The following MBNL2 variants were observed in gnomAD, a reference collection of about 807,000 sequenced individuals.
MBNL2 encodes the protein muscleblind-like protein 2.
MBNL2 carries 17 observed loss-of-function variants against 41.9 expected under a neutral mutation model. The ratio of observed to expected loss-of-function variants is 0.41; its 90% CI spans 0.28 to 0.61. The LOEUF (loss-of-function observed/expected upper bound fraction) is 0.61. Ranked by LOEUF, MBNL2 falls within the 20% of genes least tolerant of loss-of-function variation. The probability of loss-of-function intolerance (pLI) is 0.35; values close to 1 mark genes in which losing one functional copy is unlikely to be tolerated. For synonymous variants in MBNL2, 195 were observed against 182.9 expected (o/e 1.07, Z -0.53); for missense variants, 336 against 505.6 (o/e 0.66, Z 3.22).
At chr13:97,224,105 G>A (rs1415165161) in intron 1 of MBNL2, among the ~76,000 whole-genome samples, 2 of 152,148 alleles carry the variant, frequency 1.3e-5, no homozygotes, top group African/African-American at 4.8e-5. Context: ...AGGGCTTCTG[G>A]CTGGGCTGGC....
intron 2 of MBNL2, among the ~76,000 whole-genome samples, chr13:97,303,023 G>A (rs915793024): frequency 1.4e-4 from 21 of 152,290 alleles, no homozygotes; most frequent in Non-Finnish European, 2.8e-4. Flanking sequence ...GCAGGGATTC[G>A]AACTGGGCCC....
upstream of MBNL2, among the ~76,000 whole-genome samples, chr13:97,221,750 C>G (rs1262453138): frequency 6.6e-6 from 1 of 152,196 alleles, no homozygotes; most frequent in East Asian, 1.9e-4. Flanking sequence ...CAGTAATTAA[C>G]CACTGCAATA....
At chr13:97,263,273 C>T (rs1016470249) in intron 1 of MBNL2, among the ~76,000 whole-genome samples, 2 of 152,292 alleles carry the variant, frequency 1.3e-5, no homozygotes, top group South Asian at 2.1e-4. Context: ...CCCCTGCCAA[C>T]CTTTTCAATT....
At chr13:97,183,205 A>G in the MBNL2 span, among the ~76,000 whole-genome samples, 1 of 152,140 alleles carries the variant, frequency 6.6e-6, no homozygotes, top group Non-Finnish European at 1.5e-5. Context: ...TTCTGTTTTC[A>G]TGGTTCAGTA....
the MBNL2 span, among the ~76,000 whole-genome samples, chr13:97,198,528 TAAATC>T: frequency 6.7e-6 from 1 of 149,902 alleles, no homozygotes; most frequent in Admixed American, 6.7e-5. Flanking sequence ...AAATTAATGA[TAAATC>T]TATATATACA....
chr13:97,288,521 T>C (rs1305257882), intron 2 of MBNL2, among the ~76,000 whole-genome samples: 8 of 152,236 alleles, frequency 5.3e-5, no homozygotes, highest in Non-Finnish European at 2.9e-5. Context: ...CCCAAGAAAC[T>C]GAGAGAAGCC....
the MBNL2 span, among the ~76,000 whole-genome samples, chr13:97,167,329 T>C: frequency 6.6e-6 from 1 of 151,742 alleles, no homozygotes; most frequent in African/African-American, 2.4e-5. Flanking sequence ...TTCATTTACA[T>C]GCTCCACAAT....
intron 8 of MBNL2, among the ~76,000 whole-genome samples, chr13:97,382,836 G>A (rs989291679): frequency 1.3e-4 from 19 of 151,976 alleles, no homozygotes; most frequent in South Asian, 1.0e-3. Context: ...TTTTTTTGTA[G>A]AGACAGGGTT....
At chr13:97,180,359 T>C in the MBNL2 span, among the ~76,000 whole-genome samples, 1 of 152,124 alleles carries the variant, frequency 6.6e-6, no homozygotes, top group African/African-American at 2.4e-5. Flanking sequence ...TTACCAGAAG[T>C]CATTTGGATA....
the MBNL2 span, among the ~76,000 whole-genome samples, chr13:97,187,627 G>GAAA: frequency 9.7e-6 from 1 of 103,188 alleles, no homozygotes; most frequent in Non-Finnish European, 2.3e-5. Flanking sequence ...AAAAAAAGAG[G>GAAA]CCGGGCGCGG....
intron 8 of MBNL2, among the ~76,000 whole-genome samples, chr13:97,376,400 G>A (rs2064971588): frequency 1.3e-5 from 2 of 152,130 alleles, no homozygotes; most frequent in South Asian, 4.2e-4. Flanking sequence ...TACTATAAAG[G>A]ACAAATTTGT....
intron 1 of MBNL2, among the ~76,000 whole-genome samples, chr13:97,261,405 C>G (rs1366704025): frequency 6.6e-6 from 1 of 152,182 alleles, no homozygotes; most frequent in South Asian, 2.1e-4. Flanking sequence ...ACCTCCTCAA[C>G]TGCCGTCACC....
intron 1 of MBNL2, among the ~76,000 whole-genome samples, chr13:97,233,481 A>G (rs2042757900): frequency 6.6e-6 from 1 of 150,916 alleles, no homozygotes; most frequent in Non-Finnish European, 1.5e-5. Context: ...TGGCACCCCT[A>G]CTAAATGGCA....
chr13:97,270,068 T>A (rs1840428211), intron 1 of MBNL2, among the ~76,000 whole-genome samples: 1 of 152,202 alleles, frequency 6.6e-6, no homozygotes, highest in South Asian at 2.1e-4. Flanking sequence ...AGAAATTGAC[T>A]TGCCCAAGGT....
chr13:97,323,378 TG>T (rs1305135774), intron 2 of MBNL2, among the ~76,000 whole-genome samples: 1 of 152,208 alleles, frequency 6.6e-6, no homozygotes, highest in East Asian at 1.9e-4. Flanking sequence ...TCAGTATTCG[TG>T]GATTCAACCA....
At chr13:97,254,883 G>A (rs999542114) in intron 1 of MBNL2, among the ~76,000 whole-genome samples, 2 of 152,134 alleles carry the variant, frequency 1.3e-5, no homozygotes, top group Non-Finnish European at 2.9e-5. Flanking sequence ...CTGATTTCAA[G>A]CAAATAAATC....
At chr13:97,370,935 A>ATGCT (rs1408795671) in intron 8 of MBNL2, among the ~76,000 whole-genome samples, 2 of 152,202 alleles carry the variant, frequency 1.3e-5, no homozygotes, top group Non-Finnish European at 2.9e-5. Flanking sequence ...TAAATTAGTC[A>ATGCT]ATCTGAGTCC....
At chr13:97,326,786 G>A (rs1206242515) in intron 2 of MBNL2, among the ~76,000 whole-genome samples, 1 of 152,188 alleles carries the variant, frequency 6.6e-6, no homozygotes, top group East Asian at 1.9e-4. Context: ...CCTTAGAGTA[G>A]AGCTATTTCA....
chr13:97,141,886 G>A, the MBNL2 span, among the ~76,000 whole-genome samples: 1 of 152,212 alleles, frequency 6.6e-6, no homozygotes, highest in African/African-American at 2.4e-5. Flanking sequence ...TGTGTCTGAG[G>A]AGCCTTGGAA....
Sources: allele counts gnomAD v4.1 joint callset (sites outside exome capture counted in the v4.1 genomes callset), GRCh38; gene constraint gnomAD v4.1.1; transcripts MANE v1.5; gene names NCBI Gene and HGNC (gene_info 2026-07-23, HGNC 2026-07-21).